The following ARHGEF28 variants were observed in gnomAD, a reference collection of about 807,000 sequenced individuals.
ARHGEF28 encodes the protein Rho guanine nucleotide exchange factor 28.
Under a neutral mutation model 206.6 loss-of-function variants are expected in ARHGEF28, and 152 were observed. The ratio of observed to expected loss-of-function variants is 0.74; its 90% CI spans 0.64 to 0.84. ARHGEF28 has a LOEUF of 0.84. Among genes scored for constraint, ARHGEF28 ranks in the 40% least tolerant of loss-of-function variants. The probability of loss-of-function intolerance (pLI) is 0.00; values close to 1 mark genes in which losing one functional copy is unlikely to be tolerated. For synonymous variants in ARHGEF28, 763 were observed against 776.4 expected, an observed-to-expected ratio of 0.98 and a Z score of 0.29; for missense variants, 2,028 against 2,073.2, an observed-to-expected ratio of 0.98 and a Z score of 0.42.
At chr5:73,644,435 G>A (rs1744310524) in intron 1 of ARHGEF28, among the ~76,000 whole-genome samples, 13 of 152,164 alleles carry the variant, frequency 8.5e-5, no homozygotes, top group Admixed American at 8.5e-4. Context: ...TGCTCCCCCA[G>A]CACCATCCAT....
chr5:73,886,438 C>T (rs1761302010), intron 25 of ARHGEF28, among the ~76,000 whole-genome samples: 1 of 152,178 alleles, frequency 6.6e-6, no homozygotes, highest in Non-Finnish European at 1.5e-5. Context: ...AGGCAGTACA[C>T]CTACACACCT....
intron 9 of ARHGEF28, among the ~76,000 whole-genome samples, chr5:73,797,095 A>G (rs2112490642): frequency 6.6e-6 from 1 of 152,378 alleles, no homozygotes; most frequent in African/African-American, 2.4e-5. Context: ...GTGTTTTGTC[A>G]GTAACATCAT....
chr5:73,805,714 T>C (rs1392416169), intron 9 of ARHGEF28, among the ~76,000 whole-genome samples: 1 of 152,170 alleles, frequency 6.6e-6, no homozygotes, highest in Non-Finnish European at 1.5e-5. Context: ...CATGCACTCA[T>C]GTTCAGTTAA....
intron 8 of ARHGEF28, among the ~76,000 whole-genome samples, chr5:73,794,661 C>G (rs1754693666): frequency 6.8e-6 from 1 of 147,918 alleles, no homozygotes; most frequent in South Asian, 2.1e-4. Context: ...GGCTGGAGTA[C>G]AGTGGCACGA....
intron 4 of ARHGEF28, among the ~76,000 whole-genome samples, chr5:73,766,958 G>A (rs1703111442): frequency 6.6e-6 from 1 of 152,168 alleles, no homozygotes; most frequent in Non-Finnish European, 1.5e-5. Flanking sequence ...CATGTCATGA[G>A]AGAAACTGGT....
intron 5 of ARHGEF28, among the ~76,000 whole-genome samples, chr5:73,774,599 T>C (rs894234428): frequency 2.0e-5 from 3 of 152,212 alleles, no homozygotes; most frequent in African/African-American, 7.2e-5. Context: ...GTGGTCATTA[T>C]GGTCTAATGA....
intron 35 of ARHGEF28, among the ~76,000 whole-genome samples, chr5:73,938,217 C>T (rs1206661853): frequency 1.3e-5 from 2 of 148,852 alleles, no homozygotes; most frequent in Non-Finnish European, 3.0e-5. Context: ...CATCCCCATC[C>T]CCGTTCATTC....
intron 35 of ARHGEF28, among the ~76,000 whole-genome samples, chr5:73,931,972 G>C (rs1169220836): frequency 1.3e-5 from 2 of 152,204 alleles, no homozygotes; most frequent in Non-Finnish European, 2.9e-5. Context: ...CAGCCTGGCT[G>C]TTTACATTTA....
intron 2 of ARHGEF28, among the ~76,000 whole-genome samples, chr5:73,747,989 G>A (rs1751822498): frequency 6.6e-6 from 1 of 152,148 alleles, no homozygotes; most frequent in Admixed American, 6.5e-5. Context: ...CTTGTGATCT[G>A]TGAAAATTTT....
chr5:73,938,377 A>T (rs1221053741), intron 35 of ARHGEF28, among the ~76,000 whole-genome samples: 1 of 152,114 alleles, frequency 6.6e-6, no homozygotes, highest in Non-Finnish European at 1.5e-5. Context: ...ACTATTTTGA[A>T]TTTTTTGCTC....
intron 2 of ARHGEF28, among the ~76,000 whole-genome samples, chr5:73,731,107 A>G (rs1750601442): frequency 6.6e-6 from 1 of 151,990 alleles, no homozygotes; most frequent in African/African-American, 2.4e-5. Context: ...ACTGTGCTCA[A>G]CCTAATTTAG....
intron 2 of ARHGEF28, among the ~76,000 whole-genome samples, chr5:73,698,556 C>A (rs1748366498): frequency 6.6e-6 from 1 of 151,934 alleles, no homozygotes; most frequent in African/African-American, 2.4e-5. Flanking sequence ...AGCCTTGAAG[C>A]TTCATTAGTG....
intron 22 of ARHGEF28, among the ~76,000 whole-genome samples, chr5:73,880,255 T>C (rs1760829331): frequency 6.6e-6 from 1 of 152,216 alleles, no homozygotes; most frequent in South Asian, 2.1e-4. Flanking sequence ...AATATCCTGG[T>C]GCGCCGTTTC....
intron 12 of ARHGEF28, among the ~76,000 whole-genome samples, chr5:73,846,807 A>G (rs768618283): frequency 5.9e-5 from 9 of 152,310 alleles, no homozygotes; most frequent in Admixed American, 1.3e-4. Flanking sequence ...GATAGTATTA[A>G]ATGAGTTTAA....
intron 26 of ARHGEF28, 52 bp from the exon 27 acceptor site, chr5:73,892,000 C>T: frequency 6.6e-7 from 1 of 1,519,980 alleles, no homozygotes; most frequent in Non-Finnish European, 8.9e-7. Context: ...TTTACGGAGC[C>T]TTACTTTAGC....
At chr5:73,876,831 T>C (rs1406828328) in intron 22 of ARHGEF28, among the ~76,000 whole-genome samples, 1 of 149,684 alleles carries the variant, frequency 6.7e-6, no homozygotes. Flanking sequence ...GCCAGTATTT[T>C]ATTGAGGATT....
intron 1 of ARHGEF28, among the ~76,000 whole-genome samples, chr5:73,662,113 T>C (rs1745643033): frequency 6.6e-6 from 1 of 152,232 alleles, no homozygotes; most frequent in Non-Finnish European, 1.5e-5. Flanking sequence ...TTTCTTGGAT[T>C]ACATTTCTTT....
At chr5:73,882,353 T>G (rs1761005230) in intron 22 of ARHGEF28, 119 bp from the exon 23 acceptor site, 2 of 747,184 alleles carry the variant, frequency 2.7e-6, no homozygotes, top group Admixed American at 3.9e-5. Context: ...GTTCAGAAAT[T>G]CCATGATATT....
chr5:73,653,750 A>G (rs1303685537), intron 1 of ARHGEF28, among the ~76,000 whole-genome samples: 1 of 152,140 alleles, frequency 6.6e-6, no homozygotes, highest in Non-Finnish European at 1.5e-5. Context: ...TAAGCACAAC[A>G]TCCAGTCTCC....
Sources: allele counts gnomAD v4.1 joint callset (sites outside exome capture counted in the v4.1 genomes callset), GRCh38; gene constraint gnomAD v4.1.1; transcripts MANE v1.5; gene names NCBI Gene and HGNC (gene_info 2026-07-23, HGNC 2026-07-21).